The following GALNT1 variants were observed in gnomAD, a reference collection of about 807,000 sequenced individuals.
GALNT1 encodes the protein polypeptide N-acetylgalactosaminyltransferase 1, also known as GalNAc transferase 1.
GALNT1 carries 17 observed loss-of-function variants against 65.7 expected under a neutral mutation model. That is an observed-to-expected ratio of 0.26 (90% confidence interval 0.18 to 0.39). The LOEUF (loss-of-function observed/expected upper bound fraction) is 0.39, where lower values mean the gene tolerates loss of function less well. GALNT1 is among the 10% of genes least tolerant of loss of function. GALNT1 has a pLI of 1.00. For missense variants in GALNT1, 460 were observed against 672.8 expected (o/e 0.68, Z 3.50); for synonymous variants, 210 against 219.7 (o/e 0.96, Z 0.39).
chr18:35,611,381 C>T (rs2046714815), intron 1 of GALNT1, among the ~76,000 whole-genome samples: 1 of 151,982 alleles, frequency 6.6e-6, no homozygotes, highest in East Asian at 1.9e-4. Flanking sequence ...GACTTTCCAC[C>T]CTGTGCCATA....
rs139114050 is a variant in GALNT1, at chr18:35,618,595, A to C, written c.-103-35965A>C. ...AGTTTTGAGAATTAGAATTTTAAAAAATAATACAAAAGAAATGTTTGAGTT... is the reference window on the plus strand; with the variant it reads ...AGTTTTGAGAATTAGAATTTTAAAACATAATACAAAAGAAATGTTTGAGTT... On this transcript the variant is annotated intron_variant, in intron 1 of 11. Transcript: ENST00000269195. Among the ~76,000 whole-genome samples, 5 of 152,352 alleles carry C rather than the reference A, an allele frequency of 3.3e-5. No homozygotes were observed. In the East Asian group the frequency reaches 9.6e-4, roughly 29 times the overall value.
chr18:35,703,444 A>G (rs1167767774), intron 10 of GALNT1, 65 bp from the exon 11 acceptor site: 2 of 1,434,082 alleles, frequency 1.4e-6, no homozygotes, highest in East Asian at 4.6e-5. Flanking sequence ...CTGACAGCTA[A>G]TTGGGCATTT....
At chr18:35,633,665 C>T (rs760684178) in intron 1 of GALNT1, among the ~76,000 whole-genome samples, 1 of 152,166 alleles carries the variant, frequency 6.6e-6, no homozygotes, top group South Asian at 2.1e-4. Flanking sequence ...GCACATTGTG[C>T]ATGTGTACCC....
At chr18:35,698,294 C>G (rs1285540846) in intron 9 of GALNT1, among the ~76,000 whole-genome samples, 1 of 151,856 alleles carries the variant, frequency 6.6e-6, no homozygotes. Context: ...ATGCCGAAAC[C>G]CCATCTCTAC....
intron 1 of GALNT1, among the ~76,000 whole-genome samples, chr18:35,626,700 T>C (rs7237827): frequency 0.095 from 14,509 of 152,136 alleles, 837 homozygotes; most frequent in African/African-American, 0.17. Context: ...ATCATGAGGG[T>C]CCTGCGTGCT....
chr18:35,609,509 A>G (rs149949243), intron 1 of GALNT1, among the ~76,000 whole-genome samples: 80 of 152,262 alleles, frequency 5.3e-4, no homozygotes, highest in Non-Finnish European at 5.9e-4. Context: ...CTGTCATAGT[A>G]TGTGTTAAAT....
chr18:35,636,176 A>G (rs1259177791), intron 1 of GALNT1, among the ~76,000 whole-genome samples: 1 of 152,226 alleles, frequency 6.6e-6, no homozygotes, highest in Non-Finnish European at 1.5e-5. Context: ...ATAGATTCCC[A>G]TATTTTTCCT....
intron 1 of GALNT1, among the ~76,000 whole-genome samples, chr18:35,626,783 A>C (rs1185998102): frequency 6.6e-6 from 1 of 152,202 alleles, no homozygotes; most frequent in Non-Finnish European, 1.5e-5. Context: ...CCATGGCCTC[A>C]AGATGGTTAC....
At chr18:35,641,657 T>G (rs1449401845) in intron 1 of GALNT1, among the ~76,000 whole-genome samples, 1 of 152,194 alleles carries the variant, frequency 6.6e-6, no homozygotes, top group East Asian at 1.9e-4. Context: ...TACATCAGAT[T>G]GTCAAAAATA....
intron 1 of GALNT1, among the ~76,000 whole-genome samples, chr18:35,645,419 G>A (rs1389769841): frequency 6.6e-6 from 1 of 151,774 alleles, no homozygotes; most frequent in Non-Finnish European, 1.5e-5. Flanking sequence ...ATTTTTAGTA[G>A]AGACGGGGTT....
At chr18:35,620,956 A>T (rs2046844035) in intron 1 of GALNT1, among the ~76,000 whole-genome samples, 3 of 152,174 alleles carry the variant, frequency 2.0e-5, no homozygotes, top group African/African-American at 4.8e-5. Flanking sequence ...GGCCGTGCCA[A>T]ATTACACTTG....
chr18:35,692,726 T>C (rs1014069434), intron 9 of GALNT1, among the ~76,000 whole-genome samples: 3 of 152,046 alleles, frequency 2.0e-5, no homozygotes, highest in Non-Finnish European at 2.9e-5. Context: ...GAAAAAAATA[T>C]GAAGCCAAGT....
At chr18:35,637,961 A>G (rs1348985267) in intron 1 of GALNT1, among the ~76,000 whole-genome samples, 2 of 152,234 alleles carry the variant, frequency 1.3e-5, no homozygotes, top group Admixed American at 6.5e-5. Context: ...GGATGACAGC[A>G]TATCTGTTTA....
chr18:35,605,907 G>A (rs963205848), intron 1 of GALNT1, among the ~76,000 whole-genome samples: 1 of 152,160 alleles, frequency 6.6e-6, no homozygotes, highest in African/African-American at 2.4e-5. Context: ...TCATAAGAAG[G>A]TATAGCACTG....
At chr18:35,702,236 T>A (rs1321796601) in intron 9 of GALNT1, among the ~76,000 whole-genome samples, 3 of 152,228 alleles carry the variant, frequency 2.0e-5, no homozygotes, top group African/African-American at 7.2e-5. Flanking sequence ...AGATGTAGTT[T>A]CTCTTCTGGC....
At chr18:35,620,281 G>A (rs1286973089) in intron 1 of GALNT1, among the ~76,000 whole-genome samples, 1 of 150,660 alleles carries the variant, frequency 6.6e-6, no homozygotes, top group Non-Finnish European at 1.5e-5. Context: ...CCTTCTCTCT[G>A]TGAAGTTGGT....
At position 35,710,675 on chromosome 18, in the gene GALNT1, A is replaced by G. The variant is rs2048339231; in HGVS notation, c.*905A>G. 1 of 152,566 alleles carries G rather than the reference A, an allele frequency of 6.6e-6. No individual in the cohort carries two copies. The highest frequency in any genetic ancestry group is 2.4e-5 in the African/African-American group (1 of 41,432). 9.5% of individuals were successfully genotyped at this position (152,566 alleles called of 1,614,324 possible). On this transcript the variant is annotated 3_prime_UTR_variant, in exon 12 of 12. Coordinates refer to ENST00000269195, the MANE Select transcript of GALNT1 (RefSeq NM_020474.4). ...AGATTTACATGTGCACACACACACA[A>G]ATTTCTTATCACATTTTCGACTTCT...
intron 11 of GALNT1, among the ~76,000 whole-genome samples, chr18:35,706,135 A>G (rs2048254361): frequency 6.6e-6 from 1 of 152,182 alleles, no homozygotes; most frequent in Admixed American, 6.5e-5. Context: ...ACTGTTGGCT[A>G]GCCAACCTAC....
intron 7 of GALNT1, among the ~76,000 whole-genome samples, chr18:35,690,213 C>T (rs1252077088): frequency 6.6e-6 from 1 of 152,032 alleles, no homozygotes; most frequent in Admixed American, 6.6e-5. Flanking sequence ...TCTTCTGCCC[C>T]TTTTTTTGTT....
Sources: gnomAD v4.1 joint callset for allele counts (sites outside exome capture counted in the v4.1 genomes callset) on GRCh38, gnomAD v4.1.1 for gene constraint, MANE v1.5 for transcripts, NCBI Gene and HGNC (gene_info 2026-07-23, HGNC 2026-07-21) for gene names.